The following PCDHA12 variants were observed in gnomAD, a reference collection of about 807,000 sequenced individuals.
PCDHA12 encodes protocadherin alpha 12.
A neutral mutation model predicts 60.0 loss-of-function variants in PCDHA12; 44 were observed. The observed-to-expected ratio is 0.73, with a 90% CI of 0.58 to 0.94. The LOEUF (loss-of-function observed/expected upper bound fraction) is 0.94. Among genes scored for constraint, PCDHA12 ranks in the 40% least tolerant of loss-of-function variants. PCDHA12 has a pLI of 0.00. For synonymous variants in PCDHA12, 569 were observed against 553.0 expected (o/e 1.03, Z -0.40); for missense variants, 1,276 against 1,239.7 (o/e 1.03, Z -0.44).
rs369408845 is a variant in PCDHA12, at chr5:140,898,113, C to T, written c.2367+20274C>T. On this transcript the variant is annotated intron_variant, in intron 1 of 3. Coordinates refer to ENST00000398631, the MANE Select transcript of PCDHA12 (RefSeq NM_018903.4). ...AGCCCTTTGTCAGATGAGTAGGTTG[C>T]GAAAATTTTCTCCCATTTTGTAGGT... Among the ~76,000 whole-genome samples, 401 of 152,070 alleles carry T rather than the reference C, an allele frequency of 2.6e-3. 3 individuals carry two copies. Among genetic ancestry groups the T allele is most frequent in the Admixed American group, 0.01 (153 of 15,274 alleles).
chr5:140,875,987 T>C lies in PCDHA12; in HGVS notation c.515T>C (p.Leu172Ser). ...GTAAACTCTCTTTTGACCTATGCGT[T>C]AAGTCTAAATGAGAATTTTGAGCTT... Reference protein sequence around the residue: ...IGVNSLLTYALSLNENFELKI... With the variant: ...IGVNSLLTYASSLNENFELKI... Residue 172 changes from leucine (L) to serine (S), a missense_variant, in exon 1 of 4, where the codon TTA becomes TCA. By Grantham distance (145) the Leu-to-Ser change is moderately radical. Transcript: ENST00000398631. 6.2e-7 allele frequency: 1 copy of C among 1,614,032 alleles called. No individual in the cohort carries two copies. The highest frequency in any genetic ancestry group is 8.5e-7 in the Non-Finnish European group (1 of 1,179,902).
chr5:140,948,240 T>C (rs1554218495), intron 1 of PCDHA12, among the ~76,000 whole-genome samples: 1 of 151,684 alleles, frequency 6.6e-6, no homozygotes, highest in East Asian at 1.9e-4. Flanking sequence ...TGTATTTTAG[T>C]AAATATTTTT....
chr5:140,963,238 A>G (rs1347398946), intron 1 of PCDHA12, among the ~76,000 whole-genome samples: 1 of 152,090 alleles, frequency 6.6e-6, no homozygotes, highest in Non-Finnish European at 1.5e-5. Context: ...TGTTTGATGG[A>G]TTAGGTAGGT....
intron 1 of PCDHA12, among the ~76,000 whole-genome samples, chr5:140,921,179 G>A (rs1346400425): frequency 1.3e-5 from 2 of 151,662 alleles, no homozygotes; most frequent in Non-Finnish European, 2.9e-5. Context: ...ATAAAGCACA[G>A]TTTTTTCACA....
intron 1 of PCDHA12, among the ~76,000 whole-genome samples, chr5:140,909,261 G>A (rs1358542746): frequency 6.6e-6 from 1 of 152,226 alleles, no homozygotes; most frequent in Admixed American, 6.5e-5. Flanking sequence ...CTTGCTGACT[G>A]AAGGCAAATT....
Position 141,011,476 on chromosome 5 carries a change from A to G in PCDHA12, c.*1539A>G, listed in dbSNP as rs2098420741. On this transcript the variant is annotated 3_prime_UTR_variant, in exon 4 of 4. Coordinates refer to ENST00000398631, the MANE Select transcript of PCDHA12 (RefSeq NM_018903.4). ...CTTTATTGTTGAATGTAATTCCATT[A>G]TATTTCCTTTTGTACACCTGTGAAA... 1 of 153,776 alleles carries G rather than the reference A, an allele frequency of 6.5e-6. No homozygotes were observed. 9.5% of individuals were successfully genotyped at this position (153,776 alleles called of 1,614,324 possible). A position where few individuals can be genotyped will look rare whatever the true frequency, so the allele number is the denominator to read the frequency against.
At chr5:140,971,466 G>A (rs928383559) in intron 1 of PCDHA12, among the ~76,000 whole-genome samples, 2 of 152,144 alleles carry the variant, frequency 1.3e-5, no homozygotes, top group Non-Finnish European at 2.9e-5. Flanking sequence ...GCAGTTATAG[G>A]GAGAGAGTGT....
chr5:140,949,992 G>A (rs2094439293), intron 1 of PCDHA12, among the ~76,000 whole-genome samples: 1 of 151,522 alleles, frequency 6.6e-6, no homozygotes, highest in African/African-American at 2.4e-5. Flanking sequence ...ACTTTTCTCA[G>A]TCCACTTAAT....
chr5:140,902,415 G>C (rs887303649), intron 1 of PCDHA12, among the ~76,000 whole-genome samples: 24 of 152,178 alleles, frequency 1.6e-4, no homozygotes, highest in Admixed American at 1.3e-3. Flanking sequence ...TTGAATAACA[G>C]TGGTGAAAGT....
chr5:140,903,955 A>G (rs536986744), intron 1 of PCDHA12, among the ~76,000 whole-genome samples: 1 of 152,308 alleles, frequency 6.6e-6, no homozygotes, highest in Non-Finnish European at 1.5e-5. Context: ...CTGGAAAATT[A>G]TTTGTTGATT....
At chr5:140,949,453 A>T (rs1284957540) in intron 1 of PCDHA12, among the ~76,000 whole-genome samples, 4 of 151,762 alleles carry the variant, frequency 2.6e-5, no homozygotes, top group African/African-American at 9.7e-5. Flanking sequence ...TGCTTCATGT[A>T]ATTTGAAGCC....
At chr5:140,985,000 C>T (rs1237251178) in intron 3 of PCDHA12, among the ~76,000 whole-genome samples, 5 of 151,948 alleles carry the variant, frequency 3.3e-5, no homozygotes, top group Non-Finnish European at 7.4e-5. Context: ...TCCAGTGGCA[C>T]GATATCGGCT....
intron 1 of PCDHA12, chr5:140,969,250 C>T (rs1554231631): frequency 6.2e-7 from 1 of 1,614,216 alleles, no homozygotes; most frequent in Admixed American, 1.7e-5. Flanking sequence ...CAGTGACTGA[C>T]AGCAGGAATC....
At chr5:140,989,601 A>C (rs553140269) in intron 3 of PCDHA12, among the ~76,000 whole-genome samples, 14 of 152,318 alleles carry the variant, frequency 9.2e-5, no homozygotes, top group African/African-American at 3.4e-4. Flanking sequence ...ACACAAGTAA[A>C]CTAAAAATGA....
chr5:140,917,324 C>CGGGGGGGGGGGG (rs1299895515), intron 1 of PCDHA12, among the ~76,000 whole-genome samples: 1 of 76,120 alleles, frequency 1.3e-5, no homozygotes, highest in African/African-American at 4.3e-5. Context: ...GTTCATGTGG[C>CGGGGGGGGGGGG]GGGGGAGGGG....
intron 1 of PCDHA12, among the ~76,000 whole-genome samples, chr5:140,944,656 C>A (rs782213712): frequency 1.3e-5 from 2 of 152,016 alleles, no homozygotes; most frequent in Admixed American, 6.6e-5. Flanking sequence ...GAGTCCATAC[C>A]CCTTATTTAT....
intron 1 of PCDHA12, among the ~76,000 whole-genome samples, chr5:140,937,927 A>T (rs1376744977): frequency 1.3e-5 from 2 of 149,332 alleles, no homozygotes; most frequent in East Asian, 2.0e-4. Context: ...AAAAAAAAAA[A>T]GTTTAATTTG....
intron 1 of PCDHA12, among the ~76,000 whole-genome samples, chr5:140,941,259 T>TTCTTTC (rs1554214225): frequency 1.2e-3 from 146 of 121,812 alleles, no homozygotes; most frequent in African/African-American, 3.7e-3. Flanking sequence ...TTCTTTCTCT[T>TTCTTTC]TCTTTCTTTC....
intron 1 of PCDHA12, among the ~76,000 whole-genome samples, chr5:140,924,726 C>T (rs1294650773): frequency 1.3e-5 from 2 of 151,796 alleles, no homozygotes; most frequent in African/African-American, 4.8e-5. Context: ...GAAACCTCAC[C>T]TCTAATAAAA....
Sources: gnomAD v4.1 joint callset for allele counts (sites outside exome capture counted in the v4.1 genomes callset) on GRCh38, gnomAD v4.1.1 for gene constraint, MANE v1.5 for transcripts, NCBI Gene and HGNC (gene_info 2026-07-23, HGNC 2026-07-21) for gene names.